The following ZNF35 variants were observed in gnomAD, a reference collection of about 807,000 sequenced individuals.
The protein encoded by ZNF35 is zinc finger protein 35, also known as zinc finger protein 35 (clone HF.10).
A neutral mutation model predicts 45.9 loss-of-function variants in ZNF35; 31 were observed. That is an observed-to-expected ratio of 0.68 (90% CI 0.51 to 0.91). The LOEUF (loss-of-function observed/expected upper bound fraction) is 0.91. Ranked by LOEUF, ZNF35 falls within the 40% of genes least tolerant of loss-of-function variation. The pLI is 0.00. For missense variants in ZNF35, 515 were observed against 625.4 expected, an observed-to-expected ratio of 0.82 and a Z score of 1.88; for synonymous variants, 205 against 220.2, an observed-to-expected ratio of 0.93 and a Z score of 0.61.
chr3:44,657,037 A>G (rs1703322440), intron 3 of ZNF35, among the ~76,000 whole-genome samples: 1 of 152,086 alleles, frequency 6.6e-6, no homozygotes, highest in South Asian at 2.1e-4. Context: ...CTGGGGCTCT[A>G]CTGTATCCAG....
intron 1 of ZNF35, among the ~76,000 whole-genome samples, chr3:44,649,530 T>TA (rs1703137402): frequency 6.6e-6 from 1 of 152,136 alleles, no homozygotes; most frequent in Non-Finnish European, 1.5e-5. Flanking sequence ...ATCAAACTAG[T>TA]AAGGTTATTT....
chr3:44,647,275 A>C (rs1373327625), upstream of ZNF35: 1 of 150,928 alleles, frequency 6.6e-6, no homozygotes, highest in African/African-American at 2.4e-5. Flanking sequence ...ATCACCTATC[A>C]GAATAGCTTA....
intron 3 of ZNF35, 36 bp from the exon 4 acceptor site, chr3:44,658,665 A>G: frequency 6.6e-7 from 1 of 1,526,628 alleles, no homozygotes; most frequent in Non-Finnish European, 8.7e-7. Context: ...TAGGCCAGAG[A>G]AAGCTAACAT....
intron 3 of ZNF35, 30 bp downstream of exon 3, chr3:44,652,731 G>C (rs759526141): frequency 4.7e-6 from 7 of 1,504,040 alleles, no homozygotes; most frequent in Non-Finnish European, 6.2e-6. Context: ...TTCTGAATCT[G>C]ACCATTGGGG....
In ZNF35 at chr3:44,660,142, A is replaced by G; in HGVS notation, c.*195A>G. 1 of 520,088 alleles carries G rather than the reference A, an allele frequency of 1.9e-6. No individual in the cohort carries two copies. The highest frequency in any genetic ancestry group is 3.1e-5 in the East Asian group (1 of 31,970). 32.2% of individuals were successfully genotyped at this position (520,088 alleles called of 1,614,324 possible). A position where few individuals can be genotyped will look rare whatever the true frequency, so the allele number is the denominator to read the frequency against. ...TTTAAAACAAAAAGTAAGCACCTAA[A>G]GGCAAGGACTTTGTTTTAACTGTAC... On this transcript the variant is annotated 3_prime_UTR_variant, in exon 4 of 4. Coordinates refer to ENST00000396056, the MANE Select transcript of ZNF35 (RefSeq NM_003420.4).
rs552946609 is a variant in ZNF35, at chr3:44,660,382, G to A, written c.*435G>A. 1 of 154,750 alleles carries A rather than the reference G, an allele frequency of 6.5e-6. No individual in the cohort carries two copies. The highest frequency in any genetic ancestry group is 2.4e-5 in the African/African-American group (1 of 41,640). The allele number at this position is 154,750 out of a possible 1,614,324, so 9.6% of individuals were successfully genotyped here. On this transcript the variant is annotated 3_prime_UTR_variant, in exon 4 of 4. Transcript: ENST00000396056. Reference sequence around the variant, plus strand: ...ATATTTCTGGTTAAGTGGTGACTGGGTAAGGAAACCACTTGGGGTAGCAGT... The same window carrying A: ...ATATTTCTGGTTAAGTGGTGACTGGATAAGGAAACCACTTGGGGTAGCAGT...
At position 44,650,807 on chromosome 3, in the gene ZNF35, A is replaced by T. The variant is rs1703187846; in HGVS notation, c.-127-134A>T. 2 of 371,682 alleles carry T rather than the reference A, an allele frequency of 5.4e-6. 1 individual carries two copies. Among genetic ancestry groups the T allele is most frequent in the African/African-American group, 4.1e-5 (2 of 48,806 alleles). 23.0% of individuals were successfully genotyped at this position (371,682 alleles called of 1,614,324 possible). ...AACCCCTTCATCCTATGAGGGAGGA[A>T]TAGAGGATTCCATGTCCTACATTGG... On this transcript the variant is annotated intron_variant, in intron 1 of 3. Coordinates refer to ENST00000396056, the MANE Select transcript of ZNF35 (RefSeq NM_003420.4).
Position 44,651,247 on chromosome 3 carries a change from A to G in ZNF35, c.180A>G (p.Glu60=), listed in dbSNP as rs1170964360. 6.2e-7 allele frequency: 1 copy of G among 1,612,296 alleles called. No individual in the cohort carries two copies. Among genetic ancestry groups the G allele is most frequent in the African/African-American group, 1.3e-5 (1 of 74,692 alleles). ...TTCAGACAGGCCTTGATGGATCAGA[A>G]GAGGAAGAAAAGGTAAACGGGGGCC... ...QGLQTGLDGS[E]EEEKGQNISW... The change falls in exon 2 of 4, where the codon GAA becomes GAG. Residue 60 remains glutamate, a synonymous_variant. Coordinates refer to ENST00000396056, the MANE Select transcript of ZNF35 (RefSeq NM_003420.4).
At position 44,658,774 on chromosome 3, in the gene ZNF35, C is replaced by T. The variant is rs772117188; in HGVS notation, c.411C>T (p.Ile137=). 2.4e-5 allele frequency: 39 copies of T among 1,604,594 alleles called. 1 individual carries two copies. In the East Asian group the frequency reaches 2.9e-4, roughly 12 times the overall value. The change falls in exon 4 of 4, where the codon ATC becomes ATT. Residue 137 remains isoleucine, a synonymous_variant. Transcript: ENST00000396056. ...EICEEAEKPL[I]ISERIQKADP... ...GTGAGGAAGCTGAAAAACCCCTCAT[C>T]ATATCAGAAAGAATCCAGAAAGCTG...
chr3:44,659,780 C>T lies in ZNF35; in HGVS notation c.1417C>T (p.Pro473Ser), dbSNP rs1406488039. The part of the protein sequence containing the change: ...IHQRIHNGEK[P>S]YTCNECGKAF... ...TCAGAGAATTCATAATGGAGAAAAA[C>T]CTTACACATGTAATGAGTGTGGGAA... Residue 473 changes from proline to serine, a missense_variant, in exon 4 of 4, where the codon CCT (proline) becomes TCT (serine). This residue lies in a region of ZNF35 where 232 missense variants were observed against 304.6 expected (regional missense o/e 0.76). Transcript: ENST00000396056. The surrounding 1 kb of genome is among the most constrained non-coding windows in gnomAD (Gnocchi z 4.3). The T allele has an allele frequency of 1.9e-6, 3 of 1,613,448 alleles. No individual in the cohort carries two copies. Among genetic ancestry groups the T allele is most frequent in the Non-Finnish European group, 2.5e-6 (3 of 1,179,860 alleles).
intron 3 of ZNF35, among the ~76,000 whole-genome samples, chr3:44,654,782 T>C (rs574388118): frequency 4.4e-4 from 67 of 152,330 alleles, no homozygotes; most frequent in African/African-American, 1.5e-3. Context: ...AGTGAGAACA[T>C]TTGTATTTTT....
At chr3:44,656,556 AT>A (rs1018966916) in intron 3 of ZNF35, among the ~76,000 whole-genome samples, 1 of 151,138 alleles carries the variant, frequency 6.6e-6, no homozygotes, top group Admixed American at 6.6e-5. Flanking sequence ...ACACCCACCT[AT>A]TTTTTTTGTA....
chr3:44,647,267 C>T (rs1359285087), upstream of ZNF35: 1 of 151,238 alleles, frequency 6.6e-6, no homozygotes, highest in African/African-American at 2.4e-5. Flanking sequence ...CGTGAGATAT[C>T]ACCTATCAGA....
chr3:44,655,909 G>A (rs1433940367), intron 3 of ZNF35, among the ~76,000 whole-genome samples: 8 of 152,186 alleles, frequency 5.3e-5, no homozygotes, highest in Non-Finnish European at 1.0e-4. Context: ...AGGAGGGTAG[G>A]AGTGAAAGTC....
Position 44,659,803 on chromosome 3 carries a change from G to T in ZNF35, c.1440G>T (p.Gly480=). 1 of 1,613,958 alleles carries T rather than the reference G, an allele frequency of 6.2e-7. No homozygotes were observed. Among genetic ancestry groups the T allele is most frequent in the Non-Finnish European group, 8.5e-7 (1 of 1,179,966 alleles). Residue 480 remains glycine, a synonymous_variant, in exon 4 of 4, where the codon GGG becomes GGT. Transcript: ENST00000396056. This position sits in a 1 kb window ranked among gnomAD's most constrained non-coding sequence, Gnocchi z 4.3. Reference sequence around the variant, plus strand: ...AACCTTACACATGTAATGAGTGTGGGAAGGCCTTCAGACAGAGGTCGAGCC... The same window carrying T: ...AACCTTACACATGTAATGAGTGTGGTAAGGCCTTCAGACAGAGGTCGAGCC... ...GEKPYTCNEC[G]KAFRQRSSLT...
At chr3:44,652,425 G>C in intron 2 of ZNF35, 132 bp from the exon 3 acceptor site, 2 of 975,108 alleles carry the variant, frequency 2.1e-6, no homozygotes, top group Non-Finnish European at 2.9e-6. Context: ...GGAGACTCTG[G>C]CTTCCTTTTC....
intron 3 of ZNF35, among the ~76,000 whole-genome samples, chr3:44,655,710 C>T (rs995300804): frequency 1.3e-5 from 2 of 152,232 alleles, no homozygotes; most frequent in African/African-American, 4.8e-5. Context: ...CTTGCCAAGA[C>T]CCCAGGTCTT....
intron 3 of ZNF35, among the ~76,000 whole-genome samples, chr3:44,656,063 G>A (rs1703294637): frequency 6.6e-6 from 1 of 152,238 alleles, no homozygotes; most frequent in East Asian, 1.9e-4. Flanking sequence ...GGGAGGAGAC[G>A]TTGGATGGGA....
intron 3 of ZNF35, among the ~76,000 whole-genome samples, chr3:44,655,457 C>G (rs1183969687): frequency 6.6e-6 from 1 of 151,030 alleles, no homozygotes; most frequent in Non-Finnish European, 1.5e-5. Flanking sequence ...GATTTAAAAA[C>G]TATGGCTATG....
Sources: allele counts gnomAD v4.1 joint callset (sites outside exome capture counted in the v4.1 genomes callset), GRCh38; gene constraint gnomAD v4.1.1; regional missense constraint gnomAD v4.1.1; non-coding constraint Gnocchi (gnomAD v3.1); transcripts MANE v1.5; gene names NCBI Gene and HGNC (gene_info 2026-07-23, HGNC 2026-07-21).